RNF157: variants seen among roughly 807,000 people sequenced by gnomAD.
The protein encoded by RNF157 is ring finger protein 157.
A neutral mutation model predicts 88.3 loss-of-function variants in RNF157; 55 were observed. That is an observed-to-expected ratio of 0.62 (90% CI 0.50 to 0.78). The LOEUF is 0.78. Among genes scored for constraint, RNF157 ranks in the 30% least tolerant of loss-of-function variants. RNF157 has a pLI of 0.00. For missense variants in RNF157, 788 were observed against 860.8 expected, an observed-to-expected ratio of 0.92 and a Z score of 1.06; for synonymous variants, 334 against 341.2, an observed-to-expected ratio of 0.98 and a Z score of 0.23.
intron 2 of RNF157, among the ~76,000 whole-genome samples, chr17:76,181,674 G>A (rs2069189972): frequency 1.3e-5 from 2 of 151,978 alleles, no homozygotes; most frequent in South Asian, 2.1e-4. Flanking sequence ...TTGGGAAGCC[G>A]AGACAGGCAG....
intron 1 of RNF157, 26 bp from the exon 2 acceptor site, chr17:76,212,508 C>A: frequency 7.3e-7 from 1 of 1,379,046 alleles, no homozygotes; most frequent in Non-Finnish European, 1.0e-6. Context: ...CAAAAAAAAT[C>A]AAACAAGCAG....
chr17:76,180,288 C>T (rs2069169409), intron 2 of RNF157, among the ~76,000 whole-genome samples: 1 of 152,146 alleles, frequency 6.6e-6, no homozygotes, highest in Non-Finnish European at 1.5e-5. Flanking sequence ...GACTCATGAA[C>T]AAAGAATGAA....
At chr17:76,224,260 C>A (rs755219227) in intron 1 of RNF157, among the ~76,000 whole-genome samples, 2 of 152,090 alleles carry the variant, frequency 1.3e-5, no homozygotes, top group Non-Finnish European at 2.9e-5. Context: ...ATTCCTAATA[C>A]CACAGTGAAA....
chr17:76,227,653 G>A (rs553399138), intron 1 of RNF157, among the ~76,000 whole-genome samples: 31 of 151,908 alleles, frequency 2.0e-4, no homozygotes, highest in East Asian at 1.6e-3. Context: ...CGAGGTGGGC[G>A]GATCACCTGA....
chr17:76,169,202 C>G (rs942330705), intron 3 of RNF157, among the ~76,000 whole-genome samples: 11 of 152,120 alleles, frequency 7.2e-5, no homozygotes, highest in African/African-American at 2.7e-4. Flanking sequence ...TTTTCCTTCT[C>G]TCTGGATTTT....
chr17:76,157,478 T>A lies in RNF157; in HGVS notation c.1413+915A>T, dbSNP rs1040158637. On this transcript the variant is annotated intron_variant, in intron 13 of 18. Coordinates refer to ENST00000269391, the MANE Select transcript of RNF157 (RefSeq NM_052916.3). This position sits in a 1 kb window ranked among gnomAD's most constrained non-coding sequence, Gnocchi z 5.6. Reference sequence around the variant, plus strand: ...GATGTTTCTCTCACCTCTTTCTCCATGTCTAAAAAACTTCCAGGTTTAGCT... The same window carrying A: ...GATGTTTCTCTCACCTCTTTCTCCAAGTCTAAAAAACTTCCAGGTTTAGCT... 6.6e-6 allele frequency among the ~76,000 whole-genome samples: 1 copy of A among 152,260 alleles called. No individual in the cohort carries two copies. The highest frequency in any genetic ancestry group is 1.5e-5 in the Non-Finnish European group (1 of 68,042).
intron 2 of RNF157, among the ~76,000 whole-genome samples, chr17:76,210,817 T>G (rs1050128389): frequency 4.6e-5 from 7 of 152,040 alleles, no homozygotes; most frequent in Non-Finnish European, 1.0e-4. Flanking sequence ...CCTTTCTCTT[T>G]TTTTTGAAAC....
intron 2 of RNF157, among the ~76,000 whole-genome samples, chr17:76,199,359 T>A (rs189827249): frequency 1.3e-5 from 2 of 152,232 alleles, no homozygotes; most frequent in African/African-American, 4.8e-5. Context: ...CAGGCTCAAG[T>A]GATCCTTCCA....
chr17:76,228,757 T>C (rs2070138101), intron 1 of RNF157, among the ~76,000 whole-genome samples: 3 of 152,006 alleles, frequency 2.0e-5, no homozygotes, highest in Non-Finnish European at 4.4e-5. Context: ...ACCCCCTCTC[T>C]ACTAAAATAC....
At chr17:76,202,111 T>TCTC (rs2069589957) in intron 2 of RNF157, among the ~76,000 whole-genome samples, 1 of 133,900 alleles carries the variant, frequency 7.5e-6, no homozygotes, top group African/African-American at 3.1e-5. Flanking sequence ...CAATCTCAGT[T>TCTC]TCTCTCTCTC....
At chr17:76,175,484 C>T (rs182186420) in intron 2 of RNF157, among the ~76,000 whole-genome samples, 18 of 152,286 alleles carry the variant, frequency 1.2e-4, no homozygotes, top group Admixed American at 6.5e-4. Flanking sequence ...GAGGCCTTGA[C>T]ATGGTAAAAC....
intron 2 of RNF157, among the ~76,000 whole-genome samples, chr17:76,177,198 G>A (rs1420961730): frequency 6.6e-6 from 1 of 152,164 alleles, no homozygotes; most frequent in Non-Finnish European, 1.5e-5. Context: ...GGTGCTGCAG[G>A]GGCTGCATGC....
intron 2 of RNF157, among the ~76,000 whole-genome samples, chr17:76,188,791 C>T (rs1174184924): frequency 6.6e-6 from 1 of 152,190 alleles, no homozygotes; most frequent in Non-Finnish European, 1.5e-5. Flanking sequence ...CTAACGAATA[C>T]ATCATGGAAA....
intron 2 of RNF157, among the ~76,000 whole-genome samples, chr17:76,207,591 T>C (rs749191029): frequency 9.9e-5 from 15 of 152,232 alleles, no homozygotes; most frequent in Non-Finnish European, 2.1e-4. Context: ...TAACAATTCA[T>C]TTTAACATAT....
intron 18 of RNF157, among the ~76,000 whole-genome samples, chr17:76,150,785 C>CT (rs2068662112): frequency 6.6e-6 from 1 of 152,232 alleles, no homozygotes; most frequent in African/African-American, 2.4e-5. Context: ...GATACAGGCC[C>CT]TTGCCAATTA....
chr17:76,239,271 A>G (rs906383117), intron 1 of RNF157, among the ~76,000 whole-genome samples: 10 of 152,244 alleles, frequency 6.6e-5, no homozygotes, highest in Admixed American at 1.3e-4. Context: ...CGGTGCTCAC[A>G]TAACTGAACT....
chr17:76,171,225 G>A (rs146709446), intron 3 of RNF157, among the ~76,000 whole-genome samples: 16 of 151,108 alleles, frequency 1.1e-4, no homozygotes, highest in African/African-American at 3.9e-4. Flanking sequence ...GTCTCACTCT[G>A]TCACCCAGAG....
intron 7 of RNF157, 58 bp downstream of exon 7, chr17:76,165,444 G>A (rs2068907644): frequency 6.4e-7 from 1 of 1,568,650 alleles, no homozygotes; most frequent in Admixed American, 1.7e-5. Flanking sequence ...GGTTACATGT[G>A]TCTCACACGA....
intron 2 of RNF157, among the ~76,000 whole-genome samples, chr17:76,189,358 G>A (rs2069344832): frequency 6.6e-6 from 1 of 152,216 alleles, no homozygotes; most frequent in African/African-American, 2.4e-5. Flanking sequence ...CAAGAGAAAT[G>A]CAGAGATGAA....
Sources: allele counts gnomAD v4.1 joint callset (sites outside exome capture counted in the v4.1 genomes callset), GRCh38; gene constraint gnomAD v4.1.1; non-coding constraint Gnocchi (gnomAD v3.1); transcripts MANE v1.5; gene names NCBI Gene and HGNC (gene_info 2026-07-23, HGNC 2026-07-21).